CFAP161: variants seen among roughly 807,000 people sequenced by gnomAD.
CFAP161 encodes cilia and flagella associated protein 161, also known as cilia- and flagella-associated protein 161.
In CFAP161, 25 loss-of-function variants were observed where a neutral mutation model predicts 29.0. The observed-to-expected ratio is 0.86, with a 90% CI of 0.63 to 1.20. CFAP161 has a LOEUF of 1.20. Among genes scored for constraint, CFAP161 ranks in the 50% most tolerant of loss-of-function variants. CFAP161 has a pLI of 0.00. For synonymous variants in CFAP161, 116 were observed against 137.4 expected (o/e 0.84, Z 1.09); for missense variants, 367 against 371.9 (o/e 0.99, Z 0.11).
At chr15:81,128,217 C>G (rs370670502) in intron 2 of CFAP161, among the ~76,000 whole-genome samples, 5 of 152,250 alleles carry the variant, frequency 3.3e-5, no homozygotes, top group East Asian at 1.9e-4. Context: ...ATTAGTGACT[C>G]TGTTTTAATT....
Position 81,148,678 on chromosome 15 carries a change from T to A in CFAP161, c.*145T>A. 1.5e-6 allele frequency: 1 copy of A among 683,136 alleles called. No individual in the cohort carries two copies. Among genetic ancestry groups the A allele is most frequent in the Non-Finnish European group, 2.2e-6 (1 of 457,338 alleles). The allele number at this position is 683,136 out of a possible 1,614,324, so 42.3% of individuals were successfully genotyped here. A position where few individuals can be genotyped will look rare whatever the true frequency, so the allele number is the denominator to read the frequency against. On this transcript the variant is annotated 3_prime_UTR_variant, in exon 7 of 7. Coordinates refer to ENST00000286732, the MANE Select transcript of CFAP161 (RefSeq NM_173528.4). ...CACTATATTAAAATAAAGATTACAT[T>A]AAGATTATTGAATTTGTGGTGGGAG...
At chr15:81,104,374 G>A (rs1361927489) in intron 1 of CFAP161, among the ~76,000 whole-genome samples, 1 of 152,180 alleles carries the variant, frequency 6.6e-6, no homozygotes, top group Non-Finnish European at 1.5e-5. Context: ...AGTGAGCATG[G>A]GGCAGTAGGG....
At chr15:81,113,711 C>T (rs1379103244) in intron 1 of CFAP161, among the ~76,000 whole-genome samples, 1 of 152,234 alleles carries the variant, frequency 6.6e-6, no homozygotes, top group Non-Finnish European at 1.5e-5. Context: ...GTGCCACCTT[C>T]CCAGCACCTC....
intron 4 of CFAP161, among the ~76,000 whole-genome samples, chr15:81,141,714 T>G (rs1894912303): frequency 6.6e-6 from 1 of 151,806 alleles, no homozygotes; most frequent in Admixed American, 6.6e-5. Flanking sequence ...AGTTGGTGTC[T>G]CACTCTGTTG....
chr15:81,100,108 C>T (rs888243497), intron 1 of CFAP161, among the ~76,000 whole-genome samples: 1 of 151,696 alleles, frequency 6.6e-6, no homozygotes, highest in Admixed American at 6.6e-5. Flanking sequence ...CTTCTTCCAC[C>T]TTCTCTGCCT....
At chr15:81,134,978 C>A (rs769229931) in intron 1 of CFAP161, among the ~76,000 whole-genome samples, 11 of 152,202 alleles carry the variant, frequency 7.2e-5, no homozygotes, top group Non-Finnish European at 1.6e-4. Flanking sequence ...TCAAGGGAAA[C>A]CCCAGCAGGG....
intron 1 of CFAP161, among the ~76,000 whole-genome samples, chr15:81,121,663 TC>T (rs567488634): frequency 6.6e-6 from 1 of 152,186 alleles, no homozygotes; most frequent in Non-Finnish European, 1.5e-5. Flanking sequence ...ATTTTAGAGA[TC>T]AGAACTATTT....
At chr15:81,118,728 A>G (rs1595911255) in intron 1 of CFAP161, among the ~76,000 whole-genome samples, 1 of 152,272 alleles carries the variant, frequency 6.6e-6, no homozygotes, top group East Asian at 1.9e-4. Flanking sequence ...CCGCCAGCGG[A>G]GCCCAGCTGA....
chr15:81,131,557 C>T (rs60635366), upstream of CFAP161, among the ~76,000 whole-genome samples: 12 of 152,096 alleles, frequency 7.9e-5, no homozygotes, highest in African/African-American at 2.6e-4. Context: ...AACTCACTAG[C>T]GGAATACAGC....
At chr15:81,112,819 T>A (rs1894454529) in intron 1 of CFAP161, among the ~76,000 whole-genome samples, 2 of 152,088 alleles carry the variant, frequency 1.3e-5, no homozygotes, top group South Asian at 4.1e-4. Flanking sequence ...CAATAGCAAA[T>A]TAAGTTTTCT....
Position 81,143,790 on chromosome 15 carries a change from A to T in CFAP161, c.606A>T (p.Leu202Phe). 6.2e-7 allele frequency: 1 copy of T among 1,614,166 alleles called. No homozygotes were observed. Among genetic ancestry groups the T allele is most frequent in the Non-Finnish European group, 8.5e-7 (1 of 1,180,024 alleles). The change falls in exon 5 of 7, where the codon TTA becomes TTT. Residue 202 changes from leucine (L) to phenylalanine (F), a missense_variant. Coordinates refer to ENST00000286732, the MANE Select transcript of CFAP161 (RefSeq NM_173528.4). ...AGGCTGCCTTCCCTGACCCCCAGTT[A>T]CGCCTGGAATATGAAGGCTTCCCCG... ...CWQAAFPDPQ[L>F]RLEYEGFPVP... is the part of the protein sequence containing the mutation.
intron 1 of CFAP161, among the ~76,000 whole-genome samples, chr15:81,116,450 C>T (rs951390671): frequency 3.3e-5 from 5 of 152,176 alleles, no homozygotes; most frequent in Admixed American, 6.5e-5. Flanking sequence ...CACGCCATAA[C>T]GCCCAGCTAA....
At chr15:81,144,295 AT>A (rs2141885185) in intron 5 of CFAP161, among the ~76,000 whole-genome samples, 1 of 152,276 alleles carries the variant, frequency 6.6e-6, no homozygotes, top group African/African-American at 2.4e-5. Context: ...GCTAAGTACT[AT>A]TTTTTAAGGA....
intron 4 of CFAP161, among the ~76,000 whole-genome samples, chr15:81,138,700 A>G (rs540437596): frequency 6.6e-6 from 1 of 152,238 alleles, no homozygotes; most frequent in East Asian, 1.9e-4. Flanking sequence ...ATGCTTTTTG[A>G]GCCTGTTTCT....
intron 1 of CFAP161, among the ~76,000 whole-genome samples, chr15:81,114,725 G>A (rs544985631): frequency 2.0e-5 from 3 of 152,212 alleles, no homozygotes; most frequent in Admixed American, 2.0e-4. Flanking sequence ...GTGCAGTGGC[G>A]CGATCTCGGC....
chr15:81,139,362 A>G (rs531319300), intron 4 of CFAP161, among the ~76,000 whole-genome samples: 45 of 152,070 alleles, frequency 3.0e-4, no homozygotes, highest in Non-Finnish European at 5.7e-4. Context: ...AAACTTTGAC[A>G]CCCCACAGAT....
intron 1 of CFAP161, among the ~76,000 whole-genome samples, chr15:81,102,208 G>T (rs955469425): frequency 6.6e-6 from 1 of 152,220 alleles, no homozygotes; most frequent in African/African-American, 2.4e-5. Context: ...CAGGAAAAGA[G>T]TGGTTCTGAT....
At chr15:81,111,949 G>A (rs1319681190) in intron 1 of CFAP161, among the ~76,000 whole-genome samples, 3 of 152,190 alleles carry the variant, frequency 2.0e-5, no homozygotes, top group African/African-American at 7.2e-5. Flanking sequence ...GATTTATAGT[G>A]CAGGCCATTA....
intron 1 of CFAP161, 53 bp downstream of exon 1, chr15:81,134,451 T>C (rs1388937695): frequency 6.5e-7 from 1 of 1,538,110 alleles, no homozygotes; most frequent in Non-Finnish European, 8.8e-7. Context: ...TCCCAGACCC[T>C]GCTCTAAGTT....
Sources: gnomAD v4.1 joint callset for allele counts (sites outside exome capture counted in the v4.1 genomes callset) on GRCh38, gnomAD v4.1.1 for gene constraint, MANE v1.5 for transcripts, NCBI Gene and HGNC (gene_info 2026-07-23, HGNC 2026-07-21) for gene names.